HSPG2: variants seen among roughly 807,000 people sequenced by gnomAD.
The protein encoded by HSPG2 is basement membrane-specific heparan sulfate proteoglycan core protein.
HSPG2 carries 278 observed loss-of-function variants against 526.6 expected under a neutral mutation model. The observed-to-expected ratio is 0.53, with a 90% CI of 0.48 to 0.58. The LOEUF (loss-of-function observed/expected upper bound fraction) is 0.58, where lower values mean the gene tolerates loss of function less well. HSPG2 is among the 20% of genes least tolerant of loss of function. HSPG2 has a pLI of 0.00. For missense variants in HSPG2, 5,354 were observed against 6,099.5 expected (o/e 0.88, Z 4.07); for synonymous variants, 2,465 against 2,555.4 (o/e 0.96, Z 1.07).
chr1:21,900,804 G>T (rs964440211), intron 1 of HSPG2, among the ~76,000 whole-genome samples: 8 of 152,088 alleles, frequency 5.3e-5, no homozygotes, highest in Non-Finnish European at 1.0e-4. Flanking sequence ...AGAATTGCTT[G>T]AACCCAGGAG....
rs570604744 is a variant in HSPG2 at position 21,890,536 on chromosome 1, G to A, written c.354+49C>T. On this transcript the variant is annotated intron_variant, in intron 4 of 96. Transcript: ENST00000374695. This position sits in a 1 kb window ranked among gnomAD's most constrained non-coding sequence, Gnocchi z 4.1. The stretch of plus-strand genomic sequence containing the variant: ...CCCCAGAGGCCTTCACCCCATCCTC[G>A]GTCCTGCCCCGCCACACCCGCGAGC... 8.1e-6 allele frequency: 13 copies of A among 1,609,452 alleles called. No individual in the cohort carries two copies. Among genetic ancestry groups the A allele is most frequent in the South Asian group, 6.6e-5 (6 of 90,998 alleles).
chr1:21,843,111 C>G (rs533575726), intron 66 of HSPG2, among the ~76,000 whole-genome samples, 186 bp downstream of exon 66: 2 of 152,158 alleles, frequency 1.3e-5, no homozygotes, highest in Non-Finnish European at 2.9e-5. Flanking sequence ...GGGCTGGGGT[C>G]CCCCTGGTTG....
Position 21,850,197 on chromosome 1 carries a change from G to A in HSPG2, c.7295-5C>T, listed in dbSNP as rs1638776566. 2.5e-6 allele frequency: 4 copies of A among 1,613,242 alleles called. No homozygotes were observed. In the African/African-American group the frequency reaches 4.0e-5, roughly 16 times the overall value. ...CCGTGGGGGTGACCCCAAGTGCTGG[G>A]GACAGAGGGCAAAGGGTCAATAGCC... On this transcript the variant is annotated splice_polypyrimidine_tract_variant and splice_region_variant and intron_variant, in intron 56 of 96. Transcript: ENST00000374695.
intron 37 of HSPG2, among the ~76,000 whole-genome samples, chr1:21,863,060 C>CAAAAACAAAAACAA (rs1423127350): frequency 3.2e-5 from 1 of 31,232 alleles, no homozygotes; most frequent in South Asian, 1.8e-3. Context: ...GACTCCATCT[C>CAAAAACAAAAACAA]AAAAAAAAAA....
rs540674914 is a variant in HSPG2 at position 21,921,688 on chromosome 1, C to T, written c.63+15467G>A. 1.7e-3 allele frequency among the ~76,000 whole-genome samples: 258 copies of T among 152,222 alleles called. 1 individual carries two copies. Among genetic ancestry groups the T allele is most frequent in the African/African-American group, 2.5e-3 (104 of 41,500 alleles). On this transcript the variant is annotated intron_variant, in intron 1 of 96. Transcript: ENST00000374695. ...CCAGTGTGGAAAGCAGGCAGAAGCCCGGGCTGCGGCACCCCCAGCATCCGC... is the reference window on the plus strand; with the variant it reads ...CCAGTGTGGAAAGCAGGCAGAAGCCTGGGCTGCGGCACCCCCAGCATCCGC...
chr1:21,871,146 C>T (rs576269495), intron 33 of HSPG2, among the ~76,000 whole-genome samples: 45 of 152,282 alleles, frequency 3.0e-4, no homozygotes, highest in African/African-American at 9.9e-4. Flanking sequence ...CCCCTGAGCC[C>T]CTGCCCCCCA....
At position 21,847,352 on chromosome 1, in the gene HSPG2, AC is replaced by A; in HGVS notation, c.8164+1del. ...CCTCGTCCCTTTCCTAGGCAGACTC[AC>A]CGGAGGGGCTGCCGGCGCTAGGGGA... On this transcript the variant is annotated splice_donor_variant, in intron 62 of 96. Coordinates refer to ENST00000374695, the MANE Select transcript of HSPG2 (RefSeq NM_005529.7). LOFTEE classifies it high-confidence loss of function. This position sits in a 1 kb window ranked among gnomAD's most constrained non-coding sequence, Gnocchi z 4.1. 1 of 1,613,856 alleles carries A rather than the reference AC, an allele frequency of 6.2e-7. No homozygotes were observed.
In HSPG2 at chr1:21,835,540, C is replaced by T. The variant is rs768088486; in HGVS notation, c.10453G>A (p.Ala3485Thr). 1 of 1,611,142 alleles carries T rather than the reference C, an allele frequency of 6.2e-7. No individual in the cohort carries two copies. The highest frequency in any genetic ancestry group is 1.1e-5 in the South Asian group (1 of 91,020). Residue 3485 changes from alanine to threonine, a missense_variant and splice_region_variant, in exon 76 of 97, where the codon GCC (alanine) becomes ACC (threonine). Coordinates refer to ENST00000374695, the MANE Select transcript of HSPG2 (RefSeq NM_005529.7). Reference protein sequence around the residue: ...AQASAQLVIQALPSVLINIRT... With the variant: ...AQASAQLVIQTLPSVLINIRT... ...CAGAGGCCTGAAGCCACCCTCCTACCTTGGATAACCAGCTGGGCACTGGCC... is the reference window on the plus strand; with the variant it reads ...CAGAGGCCTGAAGCCACCCTCCTACTTTGGATAACCAGCTGGGCACTGGCC...
At position 21,823,402 on chromosome 1, in the gene HSPG2, C is replaced by T. The variant is rs1310853907; in HGVS notation, c.13090G>A (p.Ala4364Thr). 4.5e-6 allele frequency: 7 copies of T among 1,570,604 alleles called. No homozygotes were observed. Among genetic ancestry groups the T allele is most frequent in the Non-Finnish European group, 6.0e-6 (7 of 1,163,108 alleles). Residue 4364 changes from alanine (A) to threonine (T), a missense_variant, in exon 97 of 97, where the codon GCC (alanine) becomes ACC (threonine). Transcript: ENST00000374695. ...GCVKNLVLHSARPGAPPPQPL... is the reference protein window; with the variant it reads ...GCVKNLVLHSTRPGAPPPQPL... The stretch of plus-strand genomic sequence containing the variant: ...TGTGGGGGCGGGGCGCCGGGTCGGG[C>T]CGAGTGCAGCACCAGGTTCTTGACA...
chr1:21,854,360 C>CAG lies in HSPG2; in HGVS notation c.6289-19_6289-18dup, dbSNP rs1639164451. The CAG allele has an allele frequency of 1.9e-6, 3 of 1,561,424 alleles. No individual in the cohort carries two copies. In the African/African-American group the frequency reaches 4.0e-5, roughly 21 times the overall value. ...GCCGTGCACCTGGGCCAGGAGGAGC[C>CAG]AGAGGTACGTGAGGACAGGGACGGG... is the stretch of plus-strand genomic sequence containing the variant. On this transcript the variant is annotated splice_polypyrimidine_tract_variant and intron_variant, in intron 49 of 96. Transcript: ENST00000374695.
chr1:21,898,859 G>C lies in HSPG2; in HGVS notation c.64-2549C>G, dbSNP rs1012573088. ...CTCCCAGCATCTCCTAGACACTGCC[G>C]TCTGGAAAGGAAAACCTAGCGGTGA... On this transcript the variant is annotated intron_variant, in intron 1 of 96. Transcript: ENST00000374695. The surrounding 1 kb of genome is among the most constrained non-coding windows in gnomAD (Gnocchi z 4.0). Among the ~76,000 whole-genome samples, 2 of 152,226 alleles carry C rather than the reference G, an allele frequency of 1.3e-5. No individual in the cohort carries two copies. The highest frequency in any genetic ancestry group is 4.8e-5 in the African/African-American group (2 of 41,454).
At chr1:21,841,778 C>T in intron 69 of HSPG2, 105 bp from the exon 70 acceptor site, 1 of 1,461,726 alleles carries the variant, frequency 6.8e-7, no homozygotes, top group African/African-American at 1.4e-5. Context: ...ATCCCTCCGG[C>T]CTGGGTGTGT....
chr1:21,920,127 G>A (rs1177873190), intron 1 of HSPG2, among the ~76,000 whole-genome samples: 1 of 152,140 alleles, frequency 6.6e-6, no homozygotes, highest in African/African-American at 2.4e-5. Context: ...GGCTGGTCTC[G>A]AACTCCTGGC....
intron 1 of HSPG2, among the ~76,000 whole-genome samples, chr1:21,921,305 G>A (rs1018092744): frequency 9.2e-5 from 14 of 152,146 alleles, no homozygotes; most frequent in African/African-American, 3.4e-4. Context: ...CCTGGGAGAG[G>A]AGGAGTGCAG....
At chr1:21,843,212 C>A in intron 66 of HSPG2, 85 bp downstream of exon 66, 1 of 1,586,886 alleles carries the variant, frequency 6.3e-7, no homozygotes, top group Non-Finnish European at 8.6e-7. Context: ...CAATAAGTGC[C>A]CGGCTGGGAG....
At chr1:21,902,472 T>A (rs1040875479) in intron 1 of HSPG2, among the ~76,000 whole-genome samples, 2 of 152,188 alleles carry the variant, frequency 1.3e-5, no homozygotes, top group Non-Finnish European at 2.9e-5. Context: ...AGGGAGACAC[T>A]GGAGGCACAC....
chr1:21,929,126 G>A (rs1005945956), intron 1 of HSPG2, among the ~76,000 whole-genome samples: 33 of 152,188 alleles, frequency 2.2e-4, no homozygotes, highest in African/African-American at 8.0e-4. Flanking sequence ...AATGAACAAA[G>A]CCAAGTCCCT....
chr1:21,869,683 A>C (rs1640497354), intron 33 of HSPG2: 1 of 986,032 alleles, frequency 1.0e-6, no homozygotes, highest in Non-Finnish European at 1.2e-6. Flanking sequence ...CAGGAGCCGA[A>C]GAGCGGCAGA....
In HSPG2 at chr1:21,855,872, C is replaced by T. The variant is rs780010642; in HGVS notation, c.5616G>A (p.Pro1872=). Reference sequence around the variant, plus strand: ...GCCCGGGCTGCACTGTGAGCTGTGGCGGATGGATGGAGACCACGGGGGCGG... The same window carrying T: ...GCCCGGGCTGCACTGTGAGCTGTGGTGGATGGATGGAGACCACGGGGGCGG... ...TLSAPVVSIH[P]PQLTVQPGQL... Residue 1872 remains proline (P), a synonymous_variant, in exon 45 of 97, where the codon CCG becomes CCA. Coordinates refer to ENST00000374695, the MANE Select transcript of HSPG2 (RefSeq NM_005529.7). 5.0e-6 allele frequency: 8 copies of T among 1,612,314 alleles called. No individual in the cohort carries two copies. The highest frequency in any genetic ancestry group is 1.6e-4 in the Middle Eastern group (1 of 6,082).
Sources: allele counts gnomAD v4.1 joint callset (sites outside exome capture counted in the v4.1 genomes callset), GRCh38; gene constraint gnomAD v4.1.1; non-coding constraint Gnocchi (gnomAD v3.1); transcripts MANE v1.5; gene names NCBI Gene and HGNC (gene_info 2026-07-23, HGNC 2026-07-21).